SLC4A10: variants seen among roughly 807,000 people sequenced by gnomAD.
SLC4A10 encodes the protein solute carrier family 4 member 10.
A neutral mutation model predicts 137.7 loss-of-function variants in SLC4A10; 42 were observed. That is an observed-to-expected ratio of 0.30 (90% CI 0.24 to 0.39). SLC4A10 has a LOEUF of 0.39. Among genes scored for constraint, SLC4A10 ranks in the 10% least tolerant of loss-of-function variants. The pLI is 1.00. For missense variants in SLC4A10, 925 were observed against 1,355.0 expected (o/e 0.68, Z 4.98); for synonymous variants, 474 against 464.1 (o/e 1.02, Z -0.27).
chr2:161,742,404 C>A (rs1023645276), intron 1 of SLC4A10, among the ~76,000 whole-genome samples: 1 of 145,668 alleles, frequency 6.9e-6, no homozygotes, highest in Non-Finnish European at 1.5e-5. Context: ...GCATACGGTT[C>A]TCCTTTCTTT....
At position 161,977,463 on chromosome 2, in the gene SLC4A10, G is replaced by C. The variant is rs533971120; in HGVS notation, c.3345-259G>C. ...TTTAAGTGCATGCTGGAGGAAGAGT[G>C]TGTCCCTAAATATCAACAGTCATCA... On this transcript the variant is annotated intron_variant, in intron 25 of 26. Transcript: ENST00000446997. The C allele has an allele frequency of 1.3e-3, 624 of 473,984 alleles. 5 individuals are homozygous for C. The highest frequency in any genetic ancestry group is 0.011 in the African/African-American group (574 of 50,986). The allele number at this position is 473,984 out of a possible 1,614,324, so 29.4% of individuals were successfully genotyped here.
At chr2:161,738,032 C>G (rs1453680212) in intron 1 of SLC4A10, among the ~76,000 whole-genome samples, 1 of 152,102 alleles carries the variant, frequency 6.6e-6, no homozygotes, top group East Asian at 1.9e-4. Flanking sequence ...TATTCTGATC[C>G]TGGATCCAGA....
At chr2:161,711,257 C>T (rs1207396083) in intron 1 of SLC4A10, among the ~76,000 whole-genome samples, 3 of 151,808 alleles carry the variant, frequency 2.0e-5, no homozygotes, top group African/African-American at 7.2e-5. Context: ...GCAGAAGTGT[C>T]AGCTCAACAT....
chr2:161,784,899 C>T (rs1398777487), intron 2 of SLC4A10, among the ~76,000 whole-genome samples: 2 of 148,022 alleles, frequency 1.4e-5, no homozygotes, highest in Non-Finnish European at 3.0e-5. Context: ...TAGCAAAGAT[C>T]AGAGCAGAAA....
intron 15 of SLC4A10, among the ~76,000 whole-genome samples, chr2:161,907,953 T>C (rs1245956854): frequency 1.3e-5 from 2 of 152,168 alleles, no homozygotes; most frequent in Non-Finnish European, 2.9e-5. Context: ...AAGGCACCCA[T>C]TGCCTACCCT....
At chr2:161,922,722 T>C (rs1181567501) in intron 15 of SLC4A10, among the ~76,000 whole-genome samples, 1 of 152,176 alleles carries the variant, frequency 6.6e-6, no homozygotes, top group Non-Finnish European at 1.5e-5. Flanking sequence ...TTTTATTTTG[T>C]AAATATTCTG....
chr2:161,898,255 C>T (rs1208421452), intron 11 of SLC4A10, among the ~76,000 whole-genome samples: 2 of 151,956 alleles, frequency 1.3e-5, no homozygotes, highest in Non-Finnish European at 2.9e-5. Context: ...AGAAATGTTG[C>T]CATTGTAACT....
chr2:161,832,096 T>C lies in SLC4A10; in HGVS notation c.278-7693T>C, dbSNP rs556328144. On this transcript the variant is annotated intron_variant, in intron 3 of 26. Transcript: ENST00000446997. ...CTTATGGGGCAACAATCAGTGAGGATTATTGTCCATTATGAAAGACCTGAG... is the reference window on the plus strand; with the variant it reads ...CTTATGGGGCAACAATCAGTGAGGACTATTGTCCATTATGAAAGACCTGAG... Among the ~76,000 whole-genome samples, 281 of 152,266 alleles carry C rather than the reference T, an allele frequency of 1.8e-3. 1 individual carries two copies. The highest frequency in any genetic ancestry group is 6.4e-3 in the African/African-American group (266 of 41,566).
intron 1 of SLC4A10, among the ~76,000 whole-genome samples, chr2:161,687,007 C>T (rs554552731): frequency 1.8e-4 from 28 of 151,442 alleles, no homozygotes; most frequent in South Asian, 6.2e-4. Flanking sequence ...CTCAGCCTCC[C>T]GAGTAGCTGG....
At chr2:161,817,620 A>G (rs879864758) in intron 3 of SLC4A10, among the ~76,000 whole-genome samples, 121 of 152,258 alleles carry the variant, frequency 7.9e-4, no homozygotes, top group Admixed American at 2.2e-3. Context: ...TTAGTCTAAC[A>G]TGTAAGTCTT....
At chr2:161,900,618 A>G (rs921464673) in intron 11 of SLC4A10, among the ~76,000 whole-genome samples, 3 of 152,234 alleles carry the variant, frequency 2.0e-5, no homozygotes, top group Admixed American at 6.5e-5. Context: ...TGAATGGCAT[A>G]CACTAGGCAC....
chr2:161,691,222 A>G (rs1047689349), intron 1 of SLC4A10, among the ~76,000 whole-genome samples: 1 of 151,738 alleles, frequency 6.6e-6, no homozygotes, highest in Admixed American at 6.6e-5. Flanking sequence ...GATTTTATTT[A>G]GAAAATTAGA....
At chr2:161,694,673 C>T (rs758056699) in intron 1 of SLC4A10, among the ~76,000 whole-genome samples, 18 of 151,950 alleles carry the variant, frequency 1.2e-4, no homozygotes, top group Non-Finnish European at 7.4e-5. Context: ...GTTTGATTTA[C>T]GTTCTTTGAA....
chr2:161,811,715 C>T (rs2056569103), intron 3 of SLC4A10, among the ~76,000 whole-genome samples: 1 of 152,028 alleles, frequency 6.6e-6, no homozygotes, highest in South Asian at 2.1e-4. Flanking sequence ...ACTCACTTTA[C>T]TTTCTTCCTG....
At chr2:161,881,195 T>C (rs1051626914) in intron 9 of SLC4A10, among the ~76,000 whole-genome samples, 17 of 151,978 alleles carry the variant, frequency 1.1e-4, no homozygotes, top group African/African-American at 3.9e-4. Context: ...TGGCAACACA[T>C]AGTAGAAAGG....
chr2:161,686,986 G>A (rs768062938), intron 1 of SLC4A10, among the ~76,000 whole-genome samples: 65 of 148,914 alleles, frequency 4.4e-4, no homozygotes, highest in Non-Finnish European at 7.5e-4. Context: ...GGGTTCAGGC[G>A]ATTCTCCTGC....
chr2:161,675,560 C>A (rs1357344399), intron 1 of SLC4A10, among the ~76,000 whole-genome samples: 1 of 152,006 alleles, frequency 6.6e-6, no homozygotes, highest in Non-Finnish European at 1.5e-5. Flanking sequence ...CCCTCTTAAC[C>A]ATATGACTTT....
chr2:161,873,730 G>C (rs1271450379), intron 7 of SLC4A10, 186 bp from the exon 8 acceptor site: 1 of 511,838 alleles, frequency 2.0e-6, no homozygotes, highest in Non-Finnish European at 3.5e-6. Flanking sequence ...AAGCAGTAGA[G>C]GAAGTAGCCT....
chr2:161,920,206 G>A (rs1024581033), intron 15 of SLC4A10, among the ~76,000 whole-genome samples: 1 of 152,188 alleles, frequency 6.6e-6, no homozygotes, highest in Non-Finnish European at 1.5e-5. Flanking sequence ...GAGCCCAGAG[G>A]GCCCAAGCAA....
Sources: allele counts gnomAD v4.1 joint callset (sites outside exome capture counted in the v4.1 genomes callset), GRCh38; gene constraint gnomAD v4.1.1; transcripts MANE v1.5; gene names NCBI Gene and HGNC (gene_info 2026-07-23, HGNC 2026-07-21).